The following FASTKD2 variants were observed in gnomAD, a reference collection of about 807,000 sequenced individuals.
The protein encoded by FASTKD2 is FAST kinase domains 2.
In FASTKD2, 51 loss-of-function variants were observed where a neutral mutation model predicts 63.6. The ratio of observed to expected loss-of-function variants is 0.80; its 90% confidence interval spans 0.64 to 1.01. The LOEUF (loss-of-function observed/expected upper bound fraction) is 1.01. FASTKD2 is among the 50% of genes least tolerant of loss of function. The pLI is 0.00. For synonymous variants in FASTKD2, 284 were observed against 293.4 expected, an observed-to-expected ratio of 0.97 and a Z score of 0.33; for missense variants, 786 against 831.1, an observed-to-expected ratio of 0.95 and a Z score of 0.67.
chr2:206,774,475 T>C lies in FASTKD2; in HGVS notation c.1427+78T>C, dbSNP rs146105754. ...GGTTATAAATCATAAGCTTAATGAATTATTACAAGTGAACACACCCATAGT... is the reference window on the plus strand; with the variant it reads ...GGTTATAAATCATAAGCTTAATGAACTATTACAAGTGAACACACCCATAGT... On this transcript the variant is annotated intron_variant, in intron 7 of 11. Transcript: ENST00000402774. 6.0e-4 allele frequency: 558 copies of C among 924,068 alleles called. 3 individuals carry two copies. The African/African-American group carries it at 8.0e-3, about 13-fold the overall frequency. The allele number at this position is 924,068 out of a possible 1,614,324, so 57.2% of individuals were successfully genotyped here.
At position 206,771,915 on chromosome 2, in the gene FASTKD2, G is replaced by T; in HGVS notation, c.1012G>T (p.Asp338Tyr). 4 of 1,606,674 alleles carry T rather than the reference G, an allele frequency of 2.5e-6. No homozygotes were observed. Among genetic ancestry groups the T allele is most frequent in the Non-Finnish European group, 3.4e-6 (4 of 1,173,282 alleles). Residue 338 changes from aspartate to tyrosine, a missense_variant, in exon 5 of 12, where the codon GAC becomes TAC. Asp to Tyr is a radical substitution (Grantham distance 160). Coordinates refer to ENST00000402774, the MANE Select transcript of FASTKD2 (RefSeq NM_001136193.2). The stretch of plus-strand genomic sequence containing the variant: ...TTAGATGAAAGCCTTGAGGGAATTA[G>T]ACAGATTTTCTGTTTTGAATAGCCA... The part of the protein sequence containing the change: ...KLEMKALREL[D>Y]RFSVLNSQHM...
At position 206,791,925 on chromosome 2, in the gene FASTKD2, T is replaced by C; in HGVS notation, c.*123T>C. ...CAAAAAATGTTACCTCAGTTCACTA[T>C]TAAAATTAATTTTAGGAGTGGAAGA... On this transcript the variant is annotated 3_prime_UTR_variant, in exon 12 of 12. Transcript: ENST00000402774. The C allele has an allele frequency of 3.6e-6, 3 of 835,296 alleles. No individual in the cohort carries two copies. The highest frequency in any genetic ancestry group is 1.7e-5 in the African/African-American group (1 of 58,124). The allele number at this position is 835,296 out of a possible 1,614,324, so 51.7% of individuals were successfully genotyped here.
At chr2:206,790,928 CT>C in intron 11 of FASTKD2, 4 of 452,702 alleles carry the variant, frequency 8.8e-6, no homozygotes, top group Non-Finnish European at 1.2e-5. Flanking sequence ...AGCTTTAATC[CT>C]TTTTTGCTAA....
At chr2:206,770,729 CAAAAAAA>C (rs549037266) in intron 3 of FASTKD2, among the ~76,000 whole-genome samples, 3 of 77,152 alleles carry the variant, frequency 3.9e-5, no homozygotes, top group South Asian at 4.6e-4. Context: ...GACTCTGTCT[CAAAAAAA>C]AAAAAAAAAA....
intron 1 of FASTKD2, 80 bp from the exon 2 acceptor site, chr2:206,766,564 C>T (rs1689482494): frequency 1.2e-6 from 1 of 845,370 alleles, no homozygotes; most frequent in Admixed American, 2.2e-5. Flanking sequence ...CCCATTTTCT[C>T]TTCTGTTAAA....
Position 206,794,432 on chromosome 2 carries a change from G to A in FASTKD2, c.*2630G>A, listed in dbSNP as rs547470657. 3.5e-4 allele frequency among the ~76,000 whole-genome samples: 53 copies of A among 151,692 alleles called. No individual in the cohort carries two copies. Among genetic ancestry groups the A allele is most frequent in the Non-Finnish European group, 2.9e-4 (20 of 67,898 alleles). ...TTAATTTTTAGATTTTTAAAGATGG[G>A]GCCCTGCTATGTTACCCAGGCTAGC... On this transcript the variant is annotated 3_prime_UTR_variant, in exon 12 of 12. Transcript: ENST00000402774.
In FASTKD2 at chr2:206,794,313, C is replaced by A. The variant is rs1438620244; in HGVS notation, c.*2511C>A. Reference sequence around the variant, plus strand: ...GATATCCAAATATTTTTTTCAGAATCCCTAATGAAAAGGTTGATCTTGCTC... The same window carrying A: ...GATATCCAAATATTTTTTTCAGAATACCTAATGAAAAGGTTGATCTTGCTC... On this transcript the variant is annotated 3_prime_UTR_variant, in exon 12 of 12. Coordinates refer to ENST00000402774, the MANE Select transcript of FASTKD2 (RefSeq NM_001136193.2). Among the ~76,000 whole-genome samples the A allele has an allele frequency of 2.0e-5, 3 of 152,048 alleles. No homozygotes were observed. The highest frequency in any genetic ancestry group is 1.3e-4 in the Admixed American group (2 of 15,272).
In FASTKD2 at chr2:206,792,110, G is replaced by A; in HGVS notation, c.*308G>A. On this transcript the variant is annotated 3_prime_UTR_variant, in exon 12 of 12. Transcript: ENST00000402774. ...TAAAAACTGGTTTCTTAGTTGTGAG[G>A]TGTCACAGGCAGGTTGATGTGGGTA... 2.7e-6 allele frequency: 1 copy of A among 373,282 alleles called. No homozygotes were observed. The highest frequency in any genetic ancestry group is 5.0e-6 in the Non-Finnish European group (1 of 199,258). The allele number at this position is 373,282 out of a possible 1,614,324, so 23.1% of individuals were successfully genotyped here.
chr2:206,765,638 C>G lies in FASTKD2; in HGVS notation c.-160C>G, dbSNP rs575976614. 3.1e-6 allele frequency: 2 copies of G among 645,516 alleles called. No homozygotes were observed. Among genetic ancestry groups the G allele is most frequent in the Non-Finnish European group, 3.9e-6 (2 of 507,840 alleles). The allele number at this position is 645,516 out of a possible 1,614,324, so 40.0% of individuals were successfully genotyped here. On this transcript the variant is annotated 5_prime_UTR_variant, in exon 1 of 12. Transcript: ENST00000402774. ...TCATGGCTGCTCCTGTACGTAGTCA[C>G]GGTCTTGTGCTCTAAGGTGAGTGGA...
rs974415646 is a variant in FASTKD2, at chr2:206,793,502, A to G, written c.*1700A>G. Reference sequence around the variant, plus strand: ...CCCAGGAGATCAGGCTTCTGGTTCCAGATTGGACAACCTCTAGTTTTGTAT... The same window carrying G: ...CCCAGGAGATCAGGCTTCTGGTTCCGGATTGGACAACCTCTAGTTTTGTAT... On this transcript the variant is annotated 3_prime_UTR_variant, in exon 12 of 12. Coordinates refer to ENST00000402774, the MANE Select transcript of FASTKD2 (RefSeq NM_001136193.2). 7.2e-5 allele frequency among the ~76,000 whole-genome samples: 11 copies of G among 152,186 alleles called. No individual in the cohort carries two copies. The highest frequency in any genetic ancestry group is 1.7e-4 in the African/African-American group (7 of 41,530).
At position 206,785,240 on chromosome 2, in the gene FASTKD2, T is replaced by C. The variant is rs1015430058; in HGVS notation, c.1428-1493T>C. Among the ~76,000 whole-genome samples, 3 of 152,172 alleles carry C rather than the reference T, an allele frequency of 2.0e-5. No individual in the cohort carries two copies. The East Asian group carries it at 5.8e-4, about 29-fold the overall frequency. Reference sequence around the variant, plus strand: ...GGTCCCTCACAACACAAGGGAATTATAGGAGCTACAATTCAAAATGAGATT... The same window carrying C: ...GGTCCCTCACAACACAAGGGAATTACAGGAGCTACAATTCAAAATGAGATT... On this transcript the variant is annotated intron_variant, in intron 7 of 11. Transcript: ENST00000402774.
chr2:206,785,090 G>C (rs939623865), intron 7 of FASTKD2, among the ~76,000 whole-genome samples: 1 of 152,168 alleles, frequency 6.6e-6, no homozygotes, highest in Non-Finnish European at 1.5e-5. Flanking sequence ...CAGGGCAGCA[G>C]ACAAGAGAGA....
At position 206,793,238 on chromosome 2, in the gene FASTKD2, A is replaced by C. The variant is rs1381780875; in HGVS notation, c.*1436A>C. Among the ~76,000 whole-genome samples, 1 of 148,964 alleles carries C rather than the reference A, an allele frequency of 6.7e-6. No homozygotes were observed. The highest frequency in any genetic ancestry group is 2.1e-4 in the South Asian group (1 of 4,718). ...TCTGTCTCAAAAAAAAAAAAAAAAA[A>C]AAAAAAAAAAAAATACAAAAACTAT... On this transcript the variant is annotated 3_prime_UTR_variant, in exon 12 of 12. Coordinates refer to ENST00000402774, the MANE Select transcript of FASTKD2 (RefSeq NM_001136193.2).
chr2:206,786,932 GTGACCAATTC>G, intron 8 of FASTKD2, 33 bp downstream of exon 8: 3 of 1,235,120 alleles, frequency 2.4e-6, no homozygotes, highest in Non-Finnish European at 2.3e-6. Context: ...GTCACCAATT[GTGACCAATTC>G]TGCACTACCA....
intron 7 of FASTKD2, among the ~76,000 whole-genome samples, chr2:206,783,076 T>A (rs970974298): frequency 6.6e-6 from 1 of 151,942 alleles, no homozygotes; most frequent in African/African-American, 2.4e-5. Flanking sequence ...TTGACTGAGT[T>A]TGAGTCAAAT....
intron 7 of FASTKD2, among the ~76,000 whole-genome samples, chr2:206,785,754 G>A (rs960818437): frequency 2.0e-4 from 30 of 151,968 alleles, no homozygotes; most frequent in African/African-American, 7.0e-4. Flanking sequence ...AATTCCTATC[G>A]TTTTCCTGGC....
Position 206,795,728 on chromosome 2 carries a change from G to A in FASTKD2, c.*3926G>A, listed in dbSNP as rs973152322. Among the ~76,000 whole-genome samples, 1 of 152,194 alleles carries A rather than the reference G, an allele frequency of 6.6e-6. No homozygotes were observed. Among genetic ancestry groups the A allele is most frequent in the African/African-American group, 2.4e-5 (1 of 41,448 alleles). ...GAAGGCCAAATGAGATAGAGGTAAT[G>A]TTTCTGCCAACAAACAGCCACAGAG... On this transcript the variant is annotated 3_prime_UTR_variant, in exon 12 of 12. Coordinates refer to ENST00000402774, the MANE Select transcript of FASTKD2 (RefSeq NM_001136193.2).
chr2:206,791,915 C>T lies in FASTKD2; in HGVS notation c.*113C>T. 1 of 901,890 alleles carries T rather than the reference C, an allele frequency of 1.1e-6. No individual in the cohort carries two copies. The highest frequency in any genetic ancestry group is 1.5e-5 in the South Asian group (1 of 66,720). The allele number at this position is 901,890 out of a possible 1,614,324, so 55.9% of individuals were successfully genotyped here. On this transcript the variant is annotated 3_prime_UTR_variant, in exon 12 of 12. Transcript: ENST00000402774. Reference sequence around the variant, plus strand: ...TCTGCTAAGACAAAAAATGTTACCTCAGTTCACTATTAAAATTAATTTTAG... The same window carrying T: ...TCTGCTAAGACAAAAAATGTTACCTTAGTTCACTATTAAAATTAATTTTAG...
Position 206,787,956 on chromosome 2 carries a change from C to G in FASTKD2, c.1614C>G (p.Tyr538Ter). ...LLTSDDMKNA[Y>*]KLHTLDTCLK... ...TTTTAGATGACATGAAGAATGCTTA[C>G]AAGCTGCATACTTTGGATACTTGTC... Residue 538 changes from tyrosine (Y) to a stop codon, truncating the protein, a stop_gained, in exon 9 of 12, where the codon TAC (tyrosine) becomes TAG (stop). Transcript: ENST00000402774. LOFTEE classifies it high-confidence loss of function. 6.2e-7 allele frequency: 1 copy of G among 1,607,140 alleles called. No homozygotes were observed. Among genetic ancestry groups the G allele is most frequent in the Non-Finnish European group, 8.5e-7 (1 of 1,173,840 alleles).
Sources: allele counts gnomAD v4.1 joint callset (sites outside exome capture counted in the v4.1 genomes callset), GRCh38; gene constraint gnomAD v4.1.1; transcripts MANE v1.5; gene names NCBI Gene and HGNC (gene_info 2026-07-23, HGNC 2026-07-21).